The following FAM185A variants were observed in gnomAD, a reference collection of about 807,000 sequenced individuals.
FAM185A encodes the protein protein FAM185A.
A neutral mutation model predicts 45.7 loss-of-function variants in FAM185A; 21 were observed. The observed-to-expected ratio is 0.46, with a 90% CI of 0.33 to 0.66. FAM185A has a LOEUF of 0.66. Ranked by LOEUF, FAM185A falls within the 30% of genes least tolerant of loss-of-function variation. FAM185A has a pLI of 0.03. For synonymous variants in FAM185A, 117 were observed against 194.0 expected, an observed-to-expected ratio of 0.60 and a Z score of 3.30; for missense variants, 305 against 485.4, an observed-to-expected ratio of 0.63 and a Z score of 3.49.
the FAM185A span, among the ~76,000 whole-genome samples, chr7:102,847,143 GAC>G: frequency 4.0e-5 from 6 of 151,872 alleles, no homozygotes; most frequent in African/African-American, 1.4e-4. Context: ...GGGAAGTTGC[GAC>G]AGAGACTGTA....
the FAM185A span, among the ~76,000 whole-genome samples, chr7:102,826,805 T>C: frequency 7.2e-6 from 1 of 138,466 alleles, no homozygotes; most frequent in East Asian, 2.0e-4. Flanking sequence ...AATATATATC[T>C]AATAAATGTA....
At chr7:102,756,482 C>T (rs1028439640) in intron 2 of FAM185A, among the ~76,000 whole-genome samples, 2 of 151,316 alleles carry the variant, frequency 1.3e-5, no homozygotes, top group Admixed American at 6.6e-5. Flanking sequence ...ACGGTGAAAC[C>T]CCATCTCTAC....
intron 7 of FAM185A, among the ~76,000 whole-genome samples, chr7:102,788,452 A>G (rs1316103979): frequency 2.6e-5 from 4 of 152,216 alleles, no homozygotes; most frequent in African/African-American, 9.6e-5. Flanking sequence ...GGTGGTCTTC[A>G]TAAGATCAAA....
the FAM185A span, among the ~76,000 whole-genome samples, chr7:102,833,584 G>A: frequency 6.7e-6 from 1 of 150,220 alleles, no homozygotes; most frequent in African/African-American, 2.4e-5. Context: ...GCACCACCAC[G>A]CCCGGCTAAT....
At chr7:102,816,632 G>T in the FAM185A span, among the ~76,000 whole-genome samples, 1 of 152,140 alleles carries the variant, frequency 6.6e-6, no homozygotes, top group Non-Finnish European at 1.5e-5. Flanking sequence ...AAAAAATTTA[G>T]ATTCAGGGTG....
At chr7:102,782,488 C>T (rs919368290) in intron 6 of FAM185A, among the ~76,000 whole-genome samples, 6 of 152,094 alleles carry the variant, frequency 3.9e-5, no homozygotes, top group African/African-American at 1.4e-4. Flanking sequence ...TGAGTGGGGG[C>T]CAATATTCAA....
the FAM185A span, among the ~76,000 whole-genome samples, chr7:102,817,849 C>T: frequency 0.041 from 6,272 of 152,130 alleles, 326 homozygotes; most frequent in East Asian, 0.16. Context: ...TGTGAGACCC[C>T]GTATGAAATG....
chr7:102,754,846 A>G (rs1793605426), intron 2 of FAM185A, among the ~76,000 whole-genome samples: 1 of 152,242 alleles, frequency 6.6e-6, no homozygotes, highest in Non-Finnish European at 1.5e-5. Context: ...CATTTTTTAA[A>G]TGCAGTATAA....
At chr7:102,824,210 C>G in the FAM185A span, among the ~76,000 whole-genome samples, 1 of 152,206 alleles carries the variant, frequency 6.6e-6, no homozygotes, top group Non-Finnish European at 1.5e-5. Context: ...ATATAAGGTC[C>G]TGCTCCCAGC....
chr7:102,826,474 G>T, the FAM185A span, among the ~76,000 whole-genome samples: 3 of 151,706 alleles, frequency 2.0e-5, no homozygotes, highest in Non-Finnish European at 4.4e-5. Flanking sequence ...GGTGGCTCAT[G>T]CCTATAATCC....
chr7:102,784,789 C>T (rs1002370251), intron 6 of FAM185A, among the ~76,000 whole-genome samples: 8 of 152,192 alleles, frequency 5.3e-5, no homozygotes, highest in African/African-American at 1.9e-4. Flanking sequence ...GGGATGCCCT[C>T]TCTCACCACT....
At chr7:102,804,960 C>T (rs528565622) in intron 7 of FAM185A, among the ~76,000 whole-genome samples, 1 of 152,240 alleles carries the variant, frequency 6.6e-6, no homozygotes, top group African/African-American at 2.4e-5. Flanking sequence ...CAGGGAAATG[C>T]AAATCAAAAC....
chr7:102,843,051 A>T, the FAM185A span, among the ~76,000 whole-genome samples: 1 of 152,212 alleles, frequency 6.6e-6, no homozygotes, highest in East Asian at 1.9e-4. Flanking sequence ...AATCAAGATA[A>T]ATGTTACCAA....
chr7:102,767,708 T>C (rs1218621728), intron 4 of FAM185A, among the ~76,000 whole-genome samples: 3 of 152,160 alleles, frequency 2.0e-5, no homozygotes, highest in Admixed American at 2.0e-4. Context: ...CCCTGACTAA[T>C]TTATACATCC....
At chr7:102,825,480 C>G in the FAM185A span, among the ~76,000 whole-genome samples, 1 of 152,232 alleles carries the variant, frequency 6.6e-6, no homozygotes, top group African/African-American at 2.4e-5. Flanking sequence ...TGACCTTGGA[C>G]TTCCCAGCCT....
At chr7:102,790,892 C>T (rs1279269801) in intron 7 of FAM185A, among the ~76,000 whole-genome samples, 2 of 152,054 alleles carry the variant, frequency 1.3e-5, no homozygotes, top group African/African-American at 4.8e-5. Flanking sequence ...TGAGTCAACA[C>T]TGCCGGAAAC....
the FAM185A span, among the ~76,000 whole-genome samples, chr7:102,826,743 A>ATATG: frequency 1.2e-5 from 1 of 83,366 alleles, no homozygotes; most frequent in Non-Finnish European, 2.1e-5. Context: ...ATATATATAT[A>ATATG]TATATATATA....
At chr7:102,756,120 G>C (rs1397745493) in intron 2 of FAM185A, among the ~76,000 whole-genome samples, 1 of 149,388 alleles carries the variant, frequency 6.7e-6, no homozygotes, top group Non-Finnish European at 1.5e-5. Flanking sequence ...CTATAGTACA[G>C]ATTTTTTTTC....
rs1419341015 is a variant in FAM185A, at chr7:102,749,165, C to T, written c.-43C>T. 1.9e-6 allele frequency: 3 copies of T among 1,550,842 alleles called. No homozygotes were observed. Among genetic ancestry groups the T allele is most frequent in the South Asian group, 1.2e-5 (1 of 84,010 alleles). ...CGATTGGCCGTGGCAAGTGACCCTC[C>T]CTGTGGCTGAAGTGTTCTGAGGACT... On this transcript the variant is annotated 5_prime_UTR_variant, in exon 1 of 8. Coordinates refer to ENST00000413034, the MANE Select transcript of FAM185A (RefSeq NM_001145268.2).
Sources: gnomAD v4.1 joint callset for allele counts (sites outside exome capture counted in the v4.1 genomes callset) on GRCh38, gnomAD v4.1.1 for gene constraint, MANE v1.5 for transcripts, NCBI Gene and HGNC (gene_info 2026-07-23, HGNC 2026-07-21) for gene names.